Variants in ZMIZ1 observed in about 807,000 individuals in gnomAD.
ZMIZ1 encodes zinc finger MIZ-type containing 1, also known as zinc finger MIZ domain-containing protein 1.
ZMIZ1 carries 17 observed loss-of-function variants against 113.9 expected under a neutral mutation model. That is an observed-to-expected ratio of 0.15 (90% confidence interval 0.10 to 0.22). The LOEUF (loss-of-function observed/expected upper bound fraction) is 0.22. Ranked by LOEUF, ZMIZ1 falls within the 10% of genes least tolerant of loss-of-function variation. The pLI is 1.00. For synonymous variants in ZMIZ1, 607 were observed against 603.1 expected (o/e 1.01, Z -0.09); for missense variants, 1,059 against 1,477.8 (o/e 0.72, Z 4.65).
intron 1 of ZMIZ1, among the ~76,000 whole-genome samples, chr10:79,113,883 G>C (rs937757460): frequency 6.6e-6 from 1 of 152,092 alleles, no homozygotes; most frequent in Non-Finnish European, 1.5e-5. Context: ...TTTTTTCTTT[G>C]TGGGTCCTAC....
At chr10:79,131,780 G>T (rs759715238) in intron 2 of ZMIZ1, among the ~76,000 whole-genome samples, 1 of 152,160 alleles carries the variant, frequency 6.6e-6, no homozygotes, top group Non-Finnish European at 1.5e-5. Flanking sequence ...GAATGTCATC[G>T]CAAGGGCCCG....
At chr10:79,291,555 A>G (rs758892507) in intron 10 of ZMIZ1, among the ~76,000 whole-genome samples, 3 of 152,274 alleles carry the variant, frequency 2.0e-5, no homozygotes, top group Non-Finnish European at 2.9e-5. Flanking sequence ...ACAGTGAAGC[A>G]GTCTGGGAAT....
chr10:79,187,230 G>T (rs1847386120), intron 4 of ZMIZ1, among the ~76,000 whole-genome samples: 1 of 152,208 alleles, frequency 6.6e-6, no homozygotes, highest in Non-Finnish European at 1.5e-5. Context: ...GGAGTCCAGG[G>T]TCTGAGCGCT....
chr10:79,177,038 AC>A (rs1564700205), intron 4 of ZMIZ1, among the ~76,000 whole-genome samples: 1 of 151,914 alleles, frequency 6.6e-6, no homozygotes, highest in Non-Finnish European at 1.5e-5. Context: ...CTGGGACCCC[AC>A]CCGGCCTGTC....
At chr10:79,304,279 G>T in intron 19 of ZMIZ1, 104 bp downstream of exon 19, 2 of 1,408,268 alleles carry the variant, frequency 1.4e-6, no homozygotes, top group African/African-American at 1.4e-5. Flanking sequence ...ACACTGTCCT[G>T]AAGGACGTCA....
At chr10:79,092,975 G>T (rs1355763908) in intron 1 of ZMIZ1, among the ~76,000 whole-genome samples, 1 of 152,018 alleles carries the variant, frequency 6.6e-6, no homozygotes, top group African/African-American at 2.4e-5. Context: ...AATGCAAGCA[G>T]TTGAGGGGCT....
intron 7 of ZMIZ1, among the ~76,000 whole-genome samples, chr10:79,235,284 C>T (rs975729741): frequency 6.6e-6 from 1 of 152,186 alleles, no homozygotes; most frequent in African/African-American, 2.4e-5. Context: ...TCCTCTCACA[C>T]GGGGTGGTGA....
rs1425107624 is a variant in ZMIZ1 at position 79,314,613 on chromosome 10, A to G, written c.*1864A>G. ...GTCTTTGATAATATTCAACATTTTCATGACCTGGTTATAGCCTTTGCTGGT... is the reference window on the plus strand; with the variant it reads ...GTCTTTGATAATATTCAACATTTTCGTGACCTGGTTATAGCCTTTGCTGGT... On this transcript the variant is annotated 3_prime_UTR_variant, in exon 25 of 25. Transcript: ENST00000334512. The G allele has an allele frequency of 4.2e-6, 1 of 236,090 alleles. No individual in the cohort carries two copies. Among genetic ancestry groups the G allele is most frequent in the Non-Finnish European group, 8.5e-6 (1 of 117,452 alleles). The allele number at this position is 236,090 out of a possible 1,614,324, so 14.6% of individuals were successfully genotyped here.
At chr10:79,240,179 C>CCCTTTCTTCTT (rs1440516641) in intron 7 of ZMIZ1, among the ~76,000 whole-genome samples, 7 of 152,222 alleles carry the variant, frequency 4.6e-5, no homozygotes, top group Non-Finnish European at 7.3e-5. Flanking sequence ...CTGCAGCTCG[C>CCCTTTCTTCTT]CCTTTCTTCT....
intron 3 of ZMIZ1, among the ~76,000 whole-genome samples, chr10:79,144,620 G>A (rs562927328): frequency 4.7e-4 from 71 of 152,280 alleles, no homozygotes; most frequent in Admixed American, 3.9e-3. Context: ...CACCGGCTCC[G>A]GTGGAAGGCA....
intron 7 of ZMIZ1, among the ~76,000 whole-genome samples, chr10:79,271,097 G>C (rs1013623644): frequency 1.3e-5 from 2 of 152,174 alleles, no homozygotes; most frequent in Admixed American, 1.3e-4. Flanking sequence ...AAGGAGGCAG[G>C]GGGAAGGGGC....
At chr10:79,294,193 A>G (rs553341775) in intron 12 of ZMIZ1, 2 of 175,318 alleles carry the variant, frequency 1.1e-5, no homozygotes, top group Non-Finnish European at 2.5e-5. Flanking sequence ...TTTCCAATCT[A>G]TAAGGACTGA....
At chr10:79,219,694 T>TG (rs1169994601) in intron 7 of ZMIZ1, among the ~76,000 whole-genome samples, 2 of 152,210 alleles carry the variant, frequency 1.3e-5, no homozygotes, top group Admixed American at 1.3e-4. Context: ...CCCTTTCCCA[T>TG]GCATTGTGTC....
chr10:79,298,355 C>G, intron 14 of ZMIZ1, 51 bp from the exon 15 acceptor site: 4 of 1,574,806 alleles, frequency 2.5e-6, no homozygotes, highest in Non-Finnish European at 3.4e-6. Flanking sequence ...GCCATGGCCC[C>G]TTCTGTCTCC....
intron 1 of ZMIZ1, among the ~76,000 whole-genome samples, chr10:79,095,059 T>C (rs1301019009): frequency 6.6e-6 from 1 of 152,170 alleles, no homozygotes; most frequent in Admixed American, 6.5e-5. Flanking sequence ...CCTGCCCAGC[T>C]GGCTACAGGA....
intron 16 of ZMIZ1, among the ~76,000 whole-genome samples, chr10:79,300,136 C>T (rs951964423): frequency 1.3e-5 from 2 of 152,220 alleles, no homozygotes; most frequent in South Asian, 2.1e-4. Flanking sequence ...GTCCCTGGCA[C>T]GGGACAAACC....
In ZMIZ1 at chr10:79,297,509, T is replaced by C. The variant is rs188625975; in HGVS notation, c.1414-104T>C. On this transcript the variant is annotated intron_variant, in intron 13 of 24. Coordinates refer to ENST00000334512, the MANE Select transcript of ZMIZ1 (RefSeq NM_020338.4). ...ATATACCCAGCAGTGGATGGGCCCC[T>C]GTAGCATCCCCGTGCTCCTGGTAGA... 2.1e-5 allele frequency: 20 copies of C among 961,002 alleles called. No homozygotes were observed. The African/African-American group carries it at 2.4e-4, about 12-fold the overall frequency. 59.5% of individuals were successfully genotyped at this position (961,002 alleles called of 1,614,324 possible).
rs975140850 is a variant in ZMIZ1 at position 79,313,310 on chromosome 10, G to A, written c.*561G>A. On this transcript the variant is annotated 3_prime_UTR_variant, in exon 25 of 25. Coordinates refer to ENST00000334512, the MANE Select transcript of ZMIZ1 (RefSeq NM_020338.4). The stretch of plus-strand genomic sequence containing the variant: ...CCACCACAGAAAAGCACAAACCTCT[G>A]GGAAAGACAACGTCTCTCGGGGGCC... 1.3e-5 allele frequency: 2 copies of A among 154,916 alleles called. No homozygotes were observed. Among genetic ancestry groups the A allele is most frequent in the African/African-American group, 2.4e-5 (1 of 41,402 alleles). The allele number at this position is 154,916 out of a possible 1,614,324, so 9.6% of individuals were successfully genotyped here.
chr10:79,070,465 AAAGACACTCC>A (rs960968093), intron 1 of ZMIZ1, among the ~76,000 whole-genome samples: 1 of 151,860 alleles, frequency 6.6e-6, no homozygotes, highest in Admixed American at 6.5e-5. Context: ...CCCGGGTTTA[AAAGACACTCC>A]AGGAATGTAA....
Sources: gnomAD v4.1 joint callset for allele counts (sites outside exome capture counted in the v4.1 genomes callset) on GRCh38, gnomAD v4.1.1 for gene constraint, MANE v1.5 for transcripts, NCBI Gene and HGNC (gene_info 2026-07-23, HGNC 2026-07-21) for gene names.